Variants in BAALC observed in about 807,000 individuals in gnomAD.
The protein encoded by BAALC is brain and acute leukemia cytoplasmic protein.
BAALC carries 9 observed loss-of-function variants against 15.5 expected under a neutral mutation model. The observed-to-expected ratio is 0.58, with a 90% CI of 0.35 to 1.02. BAALC has a LOEUF of 1.02. BAALC is among the 50% of genes least tolerant of loss of function. The pLI is 0.02. For synonymous variants in BAALC, 80 were observed against 74.6 expected (o/e 1.07, Z -0.37); for missense variants, 201 against 192.4 (o/e 1.04, Z -0.27).
At chr8:103,156,417 C>T (rs577564685) in intron 1 of BAALC, among the ~76,000 whole-genome samples, 62 of 152,276 alleles carry the variant, frequency 4.1e-4, no homozygotes, top group African/African-American at 1.5e-3. Flanking sequence ...TATGGCATCA[C>T]GCAGAGTAAG....
intron 1 of BAALC, among the ~76,000 whole-genome samples, chr8:103,167,921 G>A (rs140595840): frequency 6.6e-6 from 1 of 152,272 alleles, no homozygotes; most frequent in East Asian, 1.9e-4. Context: ...TAGCACAGAT[G>A]CCAATATCTC....
chr8:103,150,379 G>A (rs1318097270), intron 1 of BAALC, among the ~76,000 whole-genome samples: 1 of 148,396 alleles, frequency 6.7e-6, no homozygotes, highest in Non-Finnish European at 1.5e-5. Flanking sequence ...ATGGCTGGGT[G>A]TGTCTGTGTG....
Position 103,229,553 on chromosome 8 carries a change from C to G in BAALC, c.*1454C>G, listed in dbSNP as rs1812878318. 6.6e-6 allele frequency: 1 copy of G among 152,178 alleles called. No individual in the cohort carries two copies. The highest frequency in any genetic ancestry group is 6.5e-5 in the Admixed American group (1 of 15,274). 9.4% of individuals were successfully genotyped at this position (152,178 alleles called of 1,614,324 possible). On this transcript the variant is annotated 3_prime_UTR_variant, in exon 3 of 3. Transcript: ENST00000309982. ...TTAAATGTCCATCCTGTGCCAGGTACTATGCAGATGTTGAGGGATTTGGGG... is the reference window on the plus strand; with the variant it reads ...TTAAATGTCCATCCTGTGCCAGGTAGTATGCAGATGTTGAGGGATTTGGGG...
At chr8:103,145,774 G>A (rs190332106) in intron 1 of BAALC, among the ~76,000 whole-genome samples, 17 of 152,274 alleles carry the variant, frequency 1.1e-4, no homozygotes, top group Non-Finnish European at 2.2e-4. Flanking sequence ...TGACTAGAAC[G>A]TAGGTGGCGC....
chr8:103,176,627 G>A (rs1427035462), intron 1 of BAALC, among the ~76,000 whole-genome samples: 3 of 152,092 alleles, frequency 2.0e-5, no homozygotes, highest in Non-Finnish European at 4.4e-5. Flanking sequence ...CATGCGCCAG[G>A]GGAATTGTCT....
intron 1 of BAALC, among the ~76,000 whole-genome samples, chr8:103,205,625 G>A (rs1563653274): frequency 6.6e-6 from 1 of 152,114 alleles, no homozygotes; most frequent in Non-Finnish European, 1.5e-5. Context: ...AATCCCTGGG[G>A]GTGGGATACA....
chr8:103,195,460 C>T (rs76653195), intron 1 of BAALC, among the ~76,000 whole-genome samples: 217 of 152,282 alleles, frequency 1.4e-3, no homozygotes, highest in African/African-American at 4.9e-3. Context: ...GGAGAAGGCT[C>T]AACATACTGT....
intron 1 of BAALC, among the ~76,000 whole-genome samples, chr8:103,168,393 G>A (rs1225745717): frequency 6.6e-6 from 1 of 152,130 alleles, no homozygotes; most frequent in African/African-American, 2.4e-5. Flanking sequence ...GCATAACTCG[G>A]TTAGATCAGT....
rs1197575224 is a variant in BAALC at position 103,149,265 on chromosome 8, C to G, written c.160+8208C>G. 3.3e-5 allele frequency among the ~76,000 whole-genome samples: 5 copies of G among 152,156 alleles called. No homozygotes were observed. In the South Asian group the frequency reaches 6.2e-4, roughly 19 times the overall value. ...ATTTACAAGGCTGAGTCCTGCAGCT[C>G]TGCGGTGCTTACACTGCCCTCTCCC... On this transcript the variant is annotated intron_variant, in intron 1 of 2. Coordinates refer to ENST00000309982, the MANE Select transcript of BAALC (RefSeq NM_024812.3).
Position 103,228,320 on chromosome 8 carries a change from T to C in BAALC, c.*221T>C. On this transcript the variant is annotated 3_prime_UTR_variant, in exon 3 of 3. Transcript: ENST00000309982. ...AATGTATTGGCACAGTGCTTACATA[T>C]GTTAATAAACTGCAAATGTGCAGTT... The C allele has an allele frequency of 2.1e-6, 1 of 474,618 alleles. No individual in the cohort carries two copies. The highest frequency in any genetic ancestry group is 3.7e-6 in the Non-Finnish European group (1 of 267,776). The allele number at this position is 474,618 out of a possible 1,614,324, so 29.4% of individuals were successfully genotyped here.
intron 2 of BAALC, among the ~76,000 whole-genome samples, chr8:103,215,344 A>C (rs1586437982): frequency 6.6e-6 from 1 of 152,266 alleles, no homozygotes; most frequent in East Asian, 1.9e-4. Flanking sequence ...GGATATTGGT[A>C]GCTTTAAATC....
chr8:103,193,930 A>T (rs1032067868), intron 1 of BAALC, among the ~76,000 whole-genome samples: 4 of 152,208 alleles, frequency 2.6e-5, no homozygotes, highest in African/African-American at 9.7e-5. Flanking sequence ...ATCAATGCAG[A>T]GATGCTTAAG....
intron 1 of BAALC, among the ~76,000 whole-genome samples, chr8:103,202,266 G>A (rs1352250400): frequency 6.6e-6 from 1 of 152,150 alleles, no homozygotes; most frequent in Non-Finnish European, 1.5e-5. Flanking sequence ...CCTTTAAAGA[G>A]GTAATTAAGG....
chr8:103,156,025 C>T (rs780373372), intron 1 of BAALC, among the ~76,000 whole-genome samples: 12 of 152,198 alleles, frequency 7.9e-5, no homozygotes, highest in Non-Finnish European at 1.3e-4. Flanking sequence ...GTTTTTAATG[C>T]CAAAGCAGCT....
rs544321962 is a variant in BAALC at position 103,183,378 on chromosome 8, C to A, written c.161-29541C>A. On this transcript the variant is annotated intron_variant, in intron 1 of 2. Transcript: ENST00000309982. ...GTTTTGCCCATTAGCCCATTACCCT[C>A]TTGCCTTTGCACTTGCCTGGAGAGA... 8.0e-5 allele frequency: 56 copies of A among 702,998 alleles called. No homozygotes were observed. The South Asian group carries it at 8.1e-4, about 10-fold the overall frequency. 43.5% of individuals were successfully genotyped at this position (702,998 alleles called of 1,614,324 possible).
chr8:103,159,234 T>C (rs1811168183), intron 1 of BAALC, among the ~76,000 whole-genome samples: 1 of 152,196 alleles, frequency 6.6e-6, no homozygotes, highest in Non-Finnish European at 1.5e-5. Context: ...TTTTGTGATG[T>C]TAAGATTGGC....
rs146149999 is a variant in BAALC at position 103,215,160 on chromosome 8, C to T, written c.327+2075C>T. On this transcript the variant is annotated intron_variant, in intron 2 of 2. Coordinates refer to ENST00000309982, the MANE Select transcript of BAALC (RefSeq NM_024812.3). The stretch of plus-strand genomic sequence containing the variant: ...TTTCCCCACCTCATTTCCTGCCCCC[C>T]CATCCATCACTTTAAAATTATGTTT... Among the ~76,000 whole-genome samples the T allele has an allele frequency of 4.3e-3, 662 of 152,302 alleles. 2 individuals carry two copies. Among genetic ancestry groups the T allele is most frequent in the Non-Finnish European group, 7.1e-3 (480 of 68,036 alleles).
intron 1 of BAALC, chr8:103,165,808 G>A (rs1811333224): frequency 6.6e-6 from 1 of 152,198 alleles, no homozygotes; most frequent in African/African-American, 2.4e-5. Context: ...GAGCCACACT[G>A]TTAGTAAGAC....
At chr8:103,143,562 A>G (rs1180726932) in intron 1 of BAALC, among the ~76,000 whole-genome samples, 1 of 152,148 alleles carries the variant, frequency 6.6e-6, no homozygotes, top group Non-Finnish European at 1.5e-5. Flanking sequence ...ACGTGAGTCA[A>G]ATGAGACTCT....
Sources: gnomAD v4.1 joint callset for allele counts (sites outside exome capture counted in the v4.1 genomes callset) on GRCh38, gnomAD v4.1.1 for gene constraint, MANE v1.5 for transcripts, NCBI Gene and HGNC (gene_info 2026-07-23, HGNC 2026-07-21) for gene names.